The following UBE2U variants were observed in gnomAD, a reference collection of about 807,000 sequenced individuals.
The protein encoded by UBE2U is ubiquitin-conjugating enzyme E2 U.
A neutral mutation model predicts 41.2 loss-of-function variants in UBE2U; 39 were observed. The ratio of observed to expected loss-of-function variants is 0.95; its 90% CI spans 0.73 to 1.24. UBE2U has a LOEUF of 1.24. UBE2U is among the 50% of genes most tolerant of loss of function. The pLI is 0.00. For missense variants in UBE2U, 336 were observed against 363.1 expected, an observed-to-expected ratio of 0.93 and a Z score of 0.61; for synonymous variants, 107 against 117.8, an observed-to-expected ratio of 0.91 and a Z score of 0.60.
At chr1:64,242,756 T>C (rs534114214) in intron 8 of UBE2U, among the ~76,000 whole-genome samples, 14 of 152,308 alleles carry the variant, frequency 9.2e-5, no homozygotes, top group Admixed American at 2.6e-4. Context: ...ACTTTTCTGC[T>C]TTCAGGATAA....
At chr1:64,210,618 G>C (rs1236490024) in intron 3 of UBE2U, 124 bp from the exon 4 acceptor site, 2 of 628,604 alleles carry the variant, frequency 3.2e-6, no homozygotes. Context: ...TCAGTACAGA[G>C]AGAAGAACTA....
intron 8 of UBE2U, among the ~76,000 whole-genome samples, chr1:64,257,037 C>A (rs910791285): frequency 1.3e-5 from 2 of 152,004 alleles, no homozygotes; most frequent in Admixed American, 6.6e-5. Context: ...AAATGTAAAT[C>A]AAAACCACAA....
At chr1:64,205,008 T>C (rs1651204682) in intron 1 of UBE2U, among the ~76,000 whole-genome samples, 1 of 152,010 alleles carries the variant, frequency 6.6e-6, no homozygotes. Flanking sequence ...TATGTAAATA[T>C]AGATAATAGA....
rs1343295077 is a variant in UBE2U, at chr1:64,235,004, G to A, written c.595+2355G>A. Among the ~76,000 whole-genome samples the A allele has an allele frequency of 6.6e-5, 10 of 152,024 alleles. No homozygotes were observed. In the East Asian group the frequency reaches 1.5e-3, roughly 23 times the overall value. Reference sequence around the variant, plus strand: ...CTAGAATAACATGTAAATATATAGGGCCACTTGGAAACTCCAAACTGCTAG... The same window carrying A: ...CTAGAATAACATGTAAATATATAGGACCACTTGGAAACTCCAAACTGCTAG... On this transcript the variant is annotated intron_variant, in intron 7 of 9. Transcript: ENST00000371077.
At chr1:64,237,503 C>G (rs1644691545) in intron 7 of UBE2U, among the ~76,000 whole-genome samples, 1 of 152,140 alleles carries the variant, frequency 6.6e-6, no homozygotes, top group African/African-American at 2.4e-5. Context: ...TTACATGGTT[C>G]CTTTCTTCTC....
chr1:64,213,405 G>A (rs182685777), intron 4 of UBE2U, among the ~76,000 whole-genome samples: 3 of 152,222 alleles, frequency 2.0e-5, no homozygotes, highest in East Asian at 1.9e-4. Flanking sequence ...CAAATGAATC[G>A]TCCTCTAGGA....
intron 8 of UBE2U, among the ~76,000 whole-genome samples, chr1:64,251,537 ACTAGGCAATCAG>A (rs1645011259): frequency 6.6e-6 from 1 of 152,190 alleles, no homozygotes; most frequent in Non-Finnish European, 1.5e-5. Context: ...ATTGGGACTG[ACTAGGCAATCAG>A]TTCAACCCAT....
chr1:64,245,605 G>A (rs1032143482), intron 8 of UBE2U, among the ~76,000 whole-genome samples: 4 of 152,090 alleles, frequency 2.6e-5, no homozygotes, highest in Non-Finnish European at 5.9e-5. Context: ...TGTATGCCCG[G>A]CGTTCTCCCT....
At chr1:64,231,018 GC>G (rs1644554437) in intron 6 of UBE2U, among the ~76,000 whole-genome samples, 1 of 151,960 alleles carries the variant, frequency 6.6e-6, no homozygotes, top group Admixed American at 6.6e-5. Context: ...TTTTTAAGGG[GC>G]TGTTTCCTTT....
intron 8 of UBE2U, among the ~76,000 whole-genome samples, chr1:64,248,566 C>CT (rs1350284212): frequency 8.4e-6 from 1 of 119,126 alleles, no homozygotes; most frequent in Non-Finnish European, 2.0e-5. Flanking sequence ...TTTCATTTTA[C>CT]TTGTTTTTTT....
rs563114540 is a variant in UBE2U, at chr1:64,265,281, T to C, written c.770-1743T>C. ...ACTCTGGCTTTTCTCTTATGTGAGA[T>C]AAAACACTCTCCTATTGTTTAAACT... is the stretch of plus-strand genomic sequence containing the variant. On this transcript the variant is annotated intron_variant, in intron 9 of 9. Coordinates refer to ENST00000371077, the MANE Select transcript of UBE2U (RefSeq NM_001366232.2). 1.8e-4 allele frequency among the ~76,000 whole-genome samples: 28 copies of C among 152,294 alleles called. No homozygotes were observed. In the East Asian group the frequency reaches 4.4e-3, roughly 24 times the overall value.
intron 9 of UBE2U, among the ~76,000 whole-genome samples, chr1:64,261,533 C>A (rs1358267602): frequency 2.6e-5 from 4 of 152,168 alleles, no homozygotes; most frequent in Non-Finnish European, 5.9e-5. Flanking sequence ...CTCCAAGGGC[C>A]CTGCCCCCGT....
At chr1:64,261,469 A>G (rs1645179870) in intron 9 of UBE2U, among the ~76,000 whole-genome samples, 1 of 152,180 alleles carries the variant, frequency 6.6e-6, no homozygotes, top group Non-Finnish European at 1.5e-5. Context: ...CCTGGCCACT[A>G]AACATAACAG....
chr1:64,253,480 G>T (rs190336527), intron 8 of UBE2U, among the ~76,000 whole-genome samples: 1 of 152,094 alleles, frequency 6.6e-6, no homozygotes, highest in South Asian at 2.1e-4. Flanking sequence ...CTCCAAGGTC[G>T]AAATGAAGGA....
intron 8 of UBE2U, 79 bp downstream of exon 8, chr1:64,241,812 A>C (rs1179270562): frequency 9.2e-7 from 1 of 1,089,106 alleles, no homozygotes; most frequent in East Asian, 2.5e-5. Context: ...CCAACTTGGA[A>C]ATAACAGAAG....
At chr1:64,218,874 A>C (rs1383509762) in intron 5 of UBE2U, among the ~76,000 whole-genome samples, 1 of 152,220 alleles carries the variant, frequency 6.6e-6, no homozygotes, top group Non-Finnish European at 1.5e-5. Flanking sequence ...TGACAAAGCT[A>C]TAAAACAGCT....
At chr1:64,234,712 A>C (rs1644634526) in intron 7 of UBE2U, among the ~76,000 whole-genome samples, 1 of 152,196 alleles carries the variant, frequency 6.6e-6, no homozygotes, top group South Asian at 2.1e-4. Flanking sequence ...TCAGTATAAA[A>C]TATTGATTAT....
intron 8 of UBE2U, among the ~76,000 whole-genome samples, chr1:64,247,257 G>A (rs1350121662): frequency 6.6e-6 from 1 of 152,046 alleles, no homozygotes; most frequent in Non-Finnish European, 1.5e-5. Flanking sequence ...AAGTTACCAT[G>A]GATTTCTGGT....
intron 5 of UBE2U, among the ~76,000 whole-genome samples, chr1:64,218,223 A>G (rs1652165526): frequency 6.6e-6 from 1 of 152,186 alleles, no homozygotes; most frequent in African/African-American, 2.4e-5. Flanking sequence ...TGATGATTAC[A>G]GTTTTGTTAC....
Sources: allele counts gnomAD v4.1 joint callset (sites outside exome capture counted in the v4.1 genomes callset), GRCh38; gene constraint gnomAD v4.1.1; transcripts MANE v1.5; gene names NCBI Gene and HGNC (gene_info 2026-07-23, HGNC 2026-07-21).